The following KCNIP1 variants were observed in gnomAD, a reference collection of about 807,000 sequenced individuals.
KCNIP1 encodes potassium voltage-gated channel interacting protein 1.
Under a neutral mutation model 33.0 loss-of-function variants are expected in KCNIP1, and 18 were observed. That is an observed-to-expected ratio of 0.55 (90% confidence interval 0.38 to 0.81). The LOEUF is 0.81. KCNIP1 is among the 30% of genes least tolerant of loss of function. The pLI, the probability that KCNIP1 is intolerant of heterozygous loss-of-function variation, is 0.00. For synonymous variants in KCNIP1, 93 were observed against 98.3 expected, an observed-to-expected ratio of 0.95 and a Z score of 0.32; for missense variants, 238 against 271.6, an observed-to-expected ratio of 0.88 and a Z score of 0.87.
At chr5:170,556,183 T>C (rs191178810) in intron 1 of KCNIP1, among the ~76,000 whole-genome samples, 6 of 152,362 alleles carry the variant, frequency 3.9e-5, no homozygotes, top group Admixed American at 3.9e-4. Flanking sequence ...GAGCAAGCTG[T>C]GGTTCATTAA....
intron 1 of KCNIP1, among the ~76,000 whole-genome samples, chr5:170,379,856 G>A (rs149987856): frequency 0.012 from 1,857 of 152,128 alleles, 40 homozygotes; most frequent in African/African-American, 0.042. Flanking sequence ...GGAGACTGAG[G>A]TGGGAGGATC....
At chr5:170,564,987 C>CA (rs1757156545) in intron 1 of KCNIP1, among the ~76,000 whole-genome samples, 1 of 152,108 alleles carries the variant, frequency 6.6e-6, no homozygotes, top group Admixed American at 6.5e-5. Flanking sequence ...TACCTGGCCC[C>CA]AAGTCCTGTG....
At chr5:170,372,106 C>G (rs985104640) in intron 1 of KCNIP1, among the ~76,000 whole-genome samples, 7 of 152,158 alleles carry the variant, frequency 4.6e-5, no homozygotes, top group Non-Finnish European at 1.0e-4. Flanking sequence ...ACCTGACTGA[C>G]AGAACATTCC....
chr5:170,617,938 G>A (rs758847462), intron 1 of KCNIP1, among the ~76,000 whole-genome samples: 7 of 152,166 alleles, frequency 4.6e-5, no homozygotes, highest in Admixed American at 2.6e-4. Context: ...AATTACAACC[G>A]GAGATATAAA....
At chr5:170,615,035 C>T (rs369685618) in intron 1 of KCNIP1, among the ~76,000 whole-genome samples, 9 of 152,198 alleles carry the variant, frequency 5.9e-5, no homozygotes, top group African/African-American at 1.9e-4. Flanking sequence ...GGCCAAATGG[C>T]GAAACCCCAT....
At chr5:170,454,224 C>T (rs1756322095) in intron 1 of KCNIP1, among the ~76,000 whole-genome samples, 1 of 152,144 alleles carries the variant, frequency 6.6e-6, no homozygotes, top group African/African-American at 2.4e-5. Context: ...CTCAACACAC[C>T]CAAATTTCTT....
chr5:170,499,547 G>C (rs1450909409), upstream of KCNIP1, among the ~76,000 whole-genome samples: 4 of 152,226 alleles, frequency 2.6e-5, no homozygotes, highest in Non-Finnish European at 5.9e-5. Context: ...GGCAAGCTCA[G>C]TGTTTGAACC....
intron 1 of KCNIP1, among the ~76,000 whole-genome samples, chr5:170,477,905 C>T (rs540750410): frequency 1.3e-5 from 2 of 152,142 alleles, no homozygotes; most frequent in South Asian, 4.1e-4. Context: ...CTTCATAGAT[C>T]TATAAATTAA....
At position 170,477,440 on chromosome 5, in the gene KCNIP1, T is replaced by C. The variant is rs144947236; in HGVS notation, c.88+123476T>C. On this transcript the variant is annotated intron_variant, in intron 1 of 7. Coordinates refer to the KCNIP1 transcript ENST00000377360. ...TTGGCTTTTTTGTTTTGTTTTGTTT[T>C]GTTTATTTGTTTTTGAGGCAGAGTC... 2.1e-3 allele frequency among the ~76,000 whole-genome samples: 325 copies of C among 152,164 alleles called. 5 individuals are homozygous for C. The highest frequency in any genetic ancestry group is 7.4e-3 in the African/African-American group (306 of 41,522).
chr5:170,590,594 G>T, intron 1 of KCNIP1, among the ~76,000 whole-genome samples: 1 of 152,132 alleles, frequency 6.6e-6, no homozygotes, highest in Admixed American at 6.5e-5. Context: ...CTCACGCTAG[G>T]CTGCCTGCAC....
chr5:170,431,745 A>G (rs1336772596), intron 1 of KCNIP1, among the ~76,000 whole-genome samples: 1 of 152,228 alleles, frequency 6.6e-6, no homozygotes, highest in East Asian at 1.9e-4. Flanking sequence ...GACCTGGTGC[A>G]AGGGGGCCAG....
At chr5:170,693,876 G>GC (rs1762805791) in intron 1 of KCNIP1, among the ~76,000 whole-genome samples, 1 of 152,238 alleles carries the variant, frequency 6.6e-6, no homozygotes, top group Non-Finnish European at 1.5e-5. Context: ...CAAGAAGCAG[G>GC]CTGGAGGCAG....
At chr5:170,486,302 C>G (rs1757093261) in intron 1 of KCNIP1, 1 of 152,206 alleles carries the variant, frequency 6.6e-6, no homozygotes, top group Non-Finnish European at 1.5e-5. Flanking sequence ...GTCAGGGATT[C>G]CAGTGTCACC....
chr5:170,608,852 C>A (rs1437315977), intron 1 of KCNIP1, among the ~76,000 whole-genome samples: 3 of 152,284 alleles, frequency 2.0e-5, no homozygotes, highest in African/African-American at 7.2e-5. Flanking sequence ...ATTACTCCCC[C>A]CTTACTCTGT....
At chr5:170,572,396 T>G (rs1757449422) in intron 1 of KCNIP1, among the ~76,000 whole-genome samples, 1 of 152,190 alleles carries the variant, frequency 6.6e-6, no homozygotes, top group Non-Finnish European at 1.5e-5. Flanking sequence ...ATACCCGGAA[T>G]GCACCGAATG....
At position 170,425,453 on chromosome 5, in the gene KCNIP1, G is replaced by C. The variant is rs969225892; in HGVS notation, c.88+71489G>C. 4.6e-5 allele frequency among the ~76,000 whole-genome samples: 7 copies of C among 152,274 alleles called. No individual in the cohort carries two copies. In the East Asian group the frequency reaches 1.2e-3, roughly 25 times the overall value. ...TGGCCATGCAGGTGATGGCAGTCAT[G>C]GGGGGAGGCAGAGAGCTGCTGGAGA... On this transcript the variant is annotated intron_variant, in intron 1 of 7. Coordinates refer to the KCNIP1 transcript ENST00000377360.
At chr5:170,563,807 A>C (rs563470859) in intron 1 of KCNIP1, among the ~76,000 whole-genome samples, 2 of 152,066 alleles carry the variant, frequency 1.3e-5, no homozygotes, top group South Asian at 4.2e-4. Context: ...CACCTGGCTA[A>C]TTTTGTATTT....
rs58374368 is a variant in KCNIP1 at position 170,694,747 on chromosome 5, G to A, written c.62-24011G>A. Among the ~76,000 whole-genome samples the A allele has an allele frequency of 9.1e-4, 139 of 152,088 alleles. 1 individual carries two copies. In the East Asian group the frequency reaches 0.025, roughly 27 times the overall value. ...CCAGAATCACAAAGCATGCCTGAAA[G>A]CGTCACACATATATGTCTGTGACCA... On this transcript the variant is annotated intron_variant, in intron 1 of 7. Coordinates refer to ENST00000328939, the MANE Select transcript of KCNIP1 (RefSeq NM_014592.4).
rs1554105623 is a variant in KCNIP1 at position 170,624,729 on chromosome 5, A to AGG, written c.62-94028_62-94027dup. On this transcript the variant is annotated intron_variant, in intron 1 of 7. Coordinates refer to ENST00000328939, the MANE Select transcript of KCNIP1 (RefSeq NM_014592.4). The stretch of plus-strand genomic sequence containing the variant: ...GGGAGGAGAGGAAAGGAGACCGGGG[A>AGG]GGTGGGGGGGGAGAGGGGAGGGGAG... 5.6e-4 allele frequency among the ~76,000 whole-genome samples: 25 copies of AGG among 44,926 alleles called. No homozygotes were observed. The East Asian group carries it at 0.017, about 31-fold the overall frequency. The allele number at this position is 44,926 out of a possible 152,430, so 29.5% of individuals were successfully genotyped here. A position where few individuals can be genotyped will look rare whatever the true frequency, so the allele number is the denominator to read the frequency against.
Sources: allele counts gnomAD v4.1 joint callset (sites outside exome capture counted in the v4.1 genomes callset), GRCh38; gene constraint gnomAD v4.1.1; transcripts MANE v1.5; gene names NCBI Gene and HGNC (gene_info 2026-07-23, HGNC 2026-07-21).